The following CFAP161 variants were observed in gnomAD, a reference collection of about 807,000 sequenced individuals.
CFAP161 encodes cilia and flagella associated protein 161, also known as cilia- and flagella-associated protein 161.
In CFAP161, 25 loss-of-function variants were observed where a neutral mutation model predicts 29.0. The ratio of observed to expected loss-of-function variants is 0.86; its 90% CI spans 0.63 to 1.20. CFAP161 has a LOEUF of 1.20. Ranked by LOEUF, CFAP161 falls within the 50% of genes most tolerant of loss-of-function variation. CFAP161 has a pLI of 0.00. For missense variants in CFAP161, 367 were observed against 371.9 expected, an observed-to-expected ratio of 0.99 and a Z score of 0.11; for synonymous variants, 116 against 137.4, an observed-to-expected ratio of 0.84 and a Z score of 1.09.
At chr15:81,112,111 C>A (rs1485462477) in intron 1 of CFAP161, among the ~76,000 whole-genome samples, 1 of 151,980 alleles carries the variant, frequency 6.6e-6, no homozygotes, top group Non-Finnish European at 1.5e-5. Flanking sequence ...CCAGTAATAT[C>A]TTTAATCTGT....
intron 1 of CFAP161, among the ~76,000 whole-genome samples, chr15:81,100,609 T>TA (rs968254210): frequency 2.0e-5 from 3 of 151,996 alleles, no homozygotes; most frequent in South Asian, 2.1e-4. Context: ...ATCCTTGAAA[T>TA]AAAAAAATTA....
At chr15:81,120,142 T>C (rs569904676) in intron 1 of CFAP161, among the ~76,000 whole-genome samples, 25 of 152,262 alleles carry the variant, frequency 1.6e-4, no homozygotes, top group African/African-American at 6.0e-4. Flanking sequence ...AAGAAAAACC[T>C]CCTGTAGTGT....
chr15:81,148,906 G>A lies in CFAP161; in HGVS notation c.*373G>A, dbSNP rs1230539568. On this transcript the variant is annotated 3_prime_UTR_variant, in exon 7 of 7. Transcript: ENST00000286732. ...CCTATACTGAATTTTTGGTACCACAGTTTCCCTCTTGAATGTACTAAAACA... is the reference window on the plus strand; with the variant it reads ...CCTATACTGAATTTTTGGTACCACAATTTCCCTCTTGAATGTACTAAAACA... 1.9e-5 allele frequency: 3 copies of A among 157,758 alleles called. No individual in the cohort carries two copies. Among genetic ancestry groups the A allele is most frequent in the Admixed American group, 1.9e-4 (3 of 15,810 alleles). 9.8% of individuals were successfully genotyped at this position (157,758 alleles called of 1,614,324 possible).
At chr15:81,129,367 T>G (rs148794801), upstream of CFAP161, among the ~76,000 whole-genome samples, 1 of 152,268 alleles carries the variant, frequency 6.6e-6, no homozygotes, top group Non-Finnish European at 1.5e-5. Flanking sequence ...AAGAGGTTAA[T>G]AGACTCATTT....
intron 1 of CFAP161, among the ~76,000 whole-genome samples, chr15:81,124,793 G>T (rs762343423): frequency 6.6e-6 from 1 of 152,092 alleles, no homozygotes; most frequent in Non-Finnish European, 1.5e-5. Flanking sequence ...TAGTTTATGT[G>T]CATAGAGCTG....
chr15:81,107,265 C>T (rs560632137), intron 1 of CFAP161, among the ~76,000 whole-genome samples: 2 of 152,224 alleles, frequency 1.3e-5, no homozygotes, highest in Non-Finnish European at 2.9e-5. Flanking sequence ...CACACGTCAT[C>T]TTACATACAT....
intron 1 of CFAP161, among the ~76,000 whole-genome samples, chr15:81,119,473 A>G (rs1316200593): frequency 6.6e-6 from 1 of 152,214 alleles, no homozygotes; most frequent in Non-Finnish European, 1.5e-5. Context: ...GACTTTTAAT[A>G]AATTAACAGA....
At chr15:81,141,772 C>A (rs868805159) in intron 4 of CFAP161, among the ~76,000 whole-genome samples, 7 of 150,648 alleles carry the variant, frequency 4.6e-5, no homozygotes, top group Middle Eastern at 3.2e-3. Context: ...GCAGCCTCTG[C>A]CTCCCGGGTT....
rs369010871 is a variant in CFAP161, at chr15:81,100,440, A to G, written c.-141-27150A>G. Among the ~76,000 whole-genome samples, 24 of 152,064 alleles carry G rather than the reference A, an allele frequency of 1.6e-4. No homozygotes were observed. In the East Asian group the frequency reaches 4.6e-3, roughly 29 times the overall value. The stretch of plus-strand genomic sequence containing the variant: ...AGAGTGTCTTTCTATTGCTTTAAAT[A>G]ATGAACAATGGATGACTTCTTGGGG... On this transcript the variant is annotated intron_variant, in intron 1 of 4. Transcript: ENST00000560091.
intron 1 of CFAP161, among the ~76,000 whole-genome samples, chr15:81,106,922 C>T (rs1217518498): frequency 7.2e-5 from 11 of 152,004 alleles, no homozygotes; most frequent in African/African-American, 7.2e-5. Flanking sequence ...AAAAATTAGC[C>T]GGGCGTGATG....
At chr15:81,134,530 C>T in intron 1 of CFAP161, 132 bp downstream of exon 1, 1 of 904,550 alleles carries the variant, frequency 1.1e-6, no homozygotes, top group Non-Finnish European at 1.7e-6. Flanking sequence ...TCTAAAATCC[C>T]CCACTTCTCT....
At chr15:81,100,571 G>A (rs1012523673) in intron 1 of CFAP161, among the ~76,000 whole-genome samples, 1 of 152,046 alleles carries the variant, frequency 6.6e-6, no homozygotes, top group African/African-American at 2.4e-5. Flanking sequence ...TTTTCTACAT[G>A]CCTAGATAAT....
At position 81,135,436 on chromosome 15, in the gene CFAP161, A is replaced by G. The variant is rs1257690776; in HGVS notation, c.159+77A>G. The G allele has an allele frequency of 1.3e-5, 12 of 931,458 alleles. No homozygotes were observed. The Admixed American group carries it at 3.2e-4, about 24-fold the overall frequency. 57.7% of individuals were successfully genotyped at this position (931,458 alleles called of 1,614,324 possible). On this transcript the variant is annotated intron_variant, in intron 2 of 6. Coordinates refer to ENST00000286732, the MANE Select transcript of CFAP161 (RefSeq NM_173528.4). ...ACGTGCAGGTTTGTTACATATGTATACATATGCTATGTTGGTGTGCTGCAC... is the reference window on the plus strand; with the variant it reads ...ACGTGCAGGTTTGTTACATATGTATGCATATGCTATGTTGGTGTGCTGCAC...
At chr15:81,136,289 AG>A (rs1894807509) in intron 2 of CFAP161, among the ~76,000 whole-genome samples, 1 of 152,244 alleles carries the variant, frequency 6.6e-6, no homozygotes, top group African/African-American at 2.4e-5. Flanking sequence ...TAGGATAATG[AG>A]TAAATCCATG....
chr15:81,137,976 C>A, intron 3 of CFAP161, 75 bp from the exon 4 acceptor site: 2 of 1,071,118 alleles, frequency 1.9e-6, no homozygotes, highest in East Asian at 2.5e-5. Context: ...AAATTGCATG[C>A]ATAAAAAATA....
At chr15:81,117,459 C>T (rs556073320) in intron 1 of CFAP161, among the ~76,000 whole-genome samples, 2 of 151,230 alleles carry the variant, frequency 1.3e-5, no homozygotes, top group African/African-American at 2.4e-5. Flanking sequence ...CCAAGAGGGA[C>T]TAAATGGAGG....
At chr15:81,126,327 GA>G (rs1894641331) in intron 1 of CFAP161, among the ~76,000 whole-genome samples, 1 of 152,076 alleles carries the variant, frequency 6.6e-6, no homozygotes, top group Non-Finnish European at 1.5e-5. Context: ...GTTTGATTTT[GA>G]AAAACTTCCT....
At position 81,147,981 on chromosome 15, in the gene CFAP161, A is replaced by G. The variant is rs200166598; in HGVS notation, c.710+50A>G. On this transcript the variant is annotated intron_variant, in intron 6 of 6. Coordinates refer to ENST00000286732, the MANE Select transcript of CFAP161 (RefSeq NM_173528.4). ...AATGCTGTGATTGGGGCTGGGGGCC[A>G]TGAATATAAGCAAAGAAGCTCAATT... 2.4e-4 allele frequency: 353 copies of G among 1,450,624 alleles called. No individual in the cohort carries two copies. In the African/African-American group the frequency reaches 4.3e-3, roughly 18 times the overall value. 89.9% of individuals were successfully genotyped at this position (1,450,624 alleles called of 1,614,324 possible). A position where few individuals can be genotyped will look rare whatever the true frequency, so the allele number is the denominator to read the frequency against.
chr15:81,111,127 T>C (rs1439879649), intron 1 of CFAP161, among the ~76,000 whole-genome samples: 2 of 152,254 alleles, frequency 1.3e-5, no homozygotes, highest in Admixed American at 1.3e-4. Context: ...CATTGCTGAA[T>C]TCCTTTCAGA....
Sources: gnomAD v4.1 joint callset for allele counts (sites outside exome capture counted in the v4.1 genomes callset) on GRCh38, gnomAD v4.1.1 for gene constraint, MANE v1.5 for transcripts, NCBI Gene and HGNC (gene_info 2026-07-23, HGNC 2026-07-21) for gene names.